Variants in LRRIQ3 observed in about 807,000 individuals in gnomAD.
LRRIQ3 encodes leucine-rich repeat and IQ domain-containing protein 3.
LRRIQ3 carries 75 observed loss-of-function variants against 59.3 expected under a neutral mutation model. That is an observed-to-expected ratio of 1.26 (90% CI 1.05 to 1.53). The LOEUF is 1.53. Among genes scored for constraint, LRRIQ3 ranks in the 40% most tolerant of loss-of-function variants. The probability of loss-of-function intolerance (pLI) is 0.00; values close to 1 mark genes in which losing one functional copy is unlikely to be tolerated. For missense variants in LRRIQ3, 831 were observed against 710.0 expected (o/e 1.17, Z -1.94); for synonymous variants, 250 against 231.3 (o/e 1.08, Z -0.73).
intron 4 of LRRIQ3, among the ~76,000 whole-genome samples, chr1:74,126,638 T>C: frequency 6.6e-6 from 1 of 151,968 alleles, no homozygotes; most frequent in East Asian, 1.9e-4. Flanking sequence ...TATTGTTTAA[T>C]TTCCATGTGT....
chr1:74,083,359 T>C (rs754893993), intron 5 of LRRIQ3: 1 of 151,794 alleles, frequency 6.6e-6, no homozygotes, highest in Non-Finnish European at 1.5e-5. Context: ...GGGGACTGGA[T>C]AAGGTGACTC....
intron 3 of LRRIQ3, among the ~76,000 whole-genome samples, chr1:74,166,341 G>A (rs776521621): frequency 1.8e-4 from 27 of 151,318 alleles, no homozygotes; most frequent in Non-Finnish European, 3.1e-4. Context: ...TCTAGTTTAC[G>A]TGTGTAGAAT....
chr1:74,168,979 C>T (rs935262121), intron 3 of LRRIQ3, among the ~76,000 whole-genome samples: 31 of 152,218 alleles, frequency 2.0e-4, no homozygotes, highest in African/African-American at 7.0e-4. Context: ...GTTTACAATA[C>T]ATTATTGCAA....
chr1:74,082,350 T>C (rs1479243459), intron 5 of LRRIQ3: 1 of 151,536 alleles, frequency 6.6e-6, no homozygotes, highest in East Asian at 1.9e-4. Flanking sequence ...ATAAATCTAA[T>C]CATTTTAATG....
At chr1:74,101,921 A>G (rs1247347436) in intron 5 of LRRIQ3, among the ~76,000 whole-genome samples, 2 of 151,948 alleles carry the variant, frequency 1.3e-5, no homozygotes, top group African/African-American at 4.8e-5. Context: ...TGGTGGGGGG[A>G]GCGGGGAGGG....
intron 4 of LRRIQ3, 54 bp from the exon 5 acceptor site, chr1:74,109,607 A>G: frequency 1.4e-6 from 2 of 1,434,664 alleles, no homozygotes; most frequent in Non-Finnish European, 1.9e-6. Context: ...ATTAAAAAAC[A>G]TGAAAATTAG....
chr1:74,140,347 G>T (rs1305264989), intron 4 of LRRIQ3, among the ~76,000 whole-genome samples: 1 of 151,496 alleles, frequency 6.6e-6, no homozygotes, highest in Non-Finnish European at 1.5e-5. Flanking sequence ...AAAGATAAAA[G>T]GTTCAATTGA....
chr1:74,041,403 G>T lies in LRRIQ3; in HGVS notation c.1528C>A (p.Gln510Lys). 6.2e-7 allele frequency: 1 copy of T among 1,613,680 alleles called. No homozygotes were observed. The highest frequency in any genetic ancestry group is 1.7e-4 in the Middle Eastern group (1 of 6,060). The change falls in exon 7 of 8, where the codon CAA (glutamine) becomes AAA (lysine). Residue 510 changes from glutamine to lysine, a missense_variant. Physicochemically the swap from Gln to Lys is moderately conservative, Grantham distance 53. Transcript: ENST00000354431. ...ACTAATAAACGCTCTGAAGCCTTTT[G>T]GGATTTTTCTTTTAGAAACAGAGCT... ...RKALFLKEKSQKASERLLVQN... is the reference protein window; with the variant it reads ...RKALFLKEKSKKASERLLVQN...
chr1:74,099,391 C>A (rs560502667), intron 5 of LRRIQ3, among the ~76,000 whole-genome samples: 3 of 152,164 alleles, frequency 2.0e-5, no homozygotes, highest in East Asian at 3.9e-4. Context: ...CAATAACAGG[C>A]TCTGAAATTG....
In LRRIQ3 at chr1:74,039,315, T is replaced by C. The variant is rs151080901; in HGVS notation, c.1718+1898A>G. Among the ~76,000 whole-genome samples the C allele has an allele frequency of 7.8e-4, 119 of 151,922 alleles. 3 individuals carry two copies. The East Asian group carries it at 0.021, about 27-fold the overall frequency. On this transcript the variant is annotated intron_variant, in intron 7 of 7. Coordinates refer to ENST00000354431, the MANE Select transcript of LRRIQ3 (RefSeq NM_001105659.2). ...AGGAATGAACAAAATCTCTGAGAAATATGGGACTATGTAAAAAAAAATGAA... is the reference window on the plus strand; with the variant it reads ...AGGAATGAACAAAATCTCTGAGAAACATGGGACTATGTAAAAAAAAATGAA...
chr1:74,026,950 T>A lies in LRRIQ3; in HGVS notation c.1738A>T (p.Arg580Ter). ...KKVRSQEIYKRHCEEKFVMDM... is the reference protein window; with the variant it reads ...KKVRSQEIYK ...ATAACAAATTTTTCTTCACAATGTCTTTTATATATTTCTTGAGATCTAAGA... is the reference window on the plus strand; with the variant it reads ...ATAACAAATTTTTCTTCACAATGTCATTTATATATTTCTTGAGATCTAAGA... Residue 580 changes from arginine (R) to a stop codon, truncating the protein, a stop_gained, in exon 8 of 8, where the codon AGA (arginine) becomes TGA (stop). Coordinates refer to ENST00000354431, the MANE Select transcript of LRRIQ3 (RefSeq NM_001105659.2). LOFTEE classifies it low-confidence loss of function (END_TRUNC). 6.4e-7 allele frequency: 1 copy of A among 1,564,314 alleles called. No homozygotes were observed. Among genetic ancestry groups the A allele is most frequent in the Non-Finnish European group, 8.7e-7 (1 of 1,147,046 alleles).
intron 6 of LRRIQ3, among the ~76,000 whole-genome samples, chr1:74,042,263 G>T (rs115907909): frequency 5.9e-4 from 90 of 152,100 alleles, no homozygotes; most frequent in African/African-American, 2.1e-3. Context: ...CATATAGTTT[G>T]CTAAAAGAAA....
chr1:74,181,647 T>C (rs1373999351), intron 3 of LRRIQ3: 1 of 151,860 alleles, frequency 6.6e-6, no homozygotes, highest in East Asian at 1.9e-4. Context: ...CCTTGTTTTT[T>C]ATATTTTTAA....
At chr1:74,144,154 G>A (rs1647405643) in intron 4 of LRRIQ3, among the ~76,000 whole-genome samples, 1 of 151,838 alleles carries the variant, frequency 6.6e-6, no homozygotes, top group Non-Finnish European at 1.5e-5. Flanking sequence ...TTAACAAAGT[G>A]CCCTTAAATT....
chr1:74,190,334 G>T (rs1184554764), intron 1 of LRRIQ3, among the ~76,000 whole-genome samples: 3 of 152,016 alleles, frequency 2.0e-5, no homozygotes, highest in Admixed American at 6.6e-5. Flanking sequence ...GAATAAAAAA[G>T]AAATGGTAGA....
intron 4 of LRRIQ3, among the ~76,000 whole-genome samples, chr1:74,140,958 C>T (rs753039807): frequency 1.3e-5 from 2 of 151,710 alleles, no homozygotes; most frequent in Non-Finnish European, 2.9e-5. Flanking sequence ...AATATAAGGT[C>T]TATGAAGTCT....
In LRRIQ3 at chr1:74,187,104, T is replaced by G. The variant is rs540964821; in HGVS notation, c.1-3420A>C. Reference sequence around the variant, plus strand: ...GGAATGTAAACTAGTATAACCACTATGGAAAACAGTATGGAAATTCCTTAA... The same window carrying G: ...GGAATGTAAACTAGTATAACCACTAGGGAAAACAGTATGGAAATTCCTTAA... On this transcript the variant is annotated intron_variant, in intron 1 of 7. Coordinates refer to ENST00000354431, the MANE Select transcript of LRRIQ3 (RefSeq NM_001105659.2). Among the ~76,000 whole-genome samples the G allele has an allele frequency of 2.6e-4, 39 of 152,086 alleles. 1 individual carries two copies. The highest frequency in any genetic ancestry group is 4.1e-4 in the Non-Finnish European group (28 of 68,012).
intron 5 of LRRIQ3, among the ~76,000 whole-genome samples, chr1:74,094,217 T>C (rs921343049): frequency 6.6e-6 from 1 of 152,076 alleles, no homozygotes; most frequent in Non-Finnish European, 1.5e-5. Flanking sequence ...TCTCCAAATA[T>C]AGCCACACAA....
At chr1:74,047,101 C>G (rs1654227743) in intron 6 of LRRIQ3, among the ~76,000 whole-genome samples, 1 of 152,052 alleles carries the variant, frequency 6.6e-6, no homozygotes, top group Non-Finnish European at 1.5e-5. Context: ...GGTATATGCC[C>G]AAAGGATTAT....
Sources: allele counts gnomAD v4.1 joint callset (sites outside exome capture counted in the v4.1 genomes callset), GRCh38; gene constraint gnomAD v4.1.1; transcripts MANE v1.5; gene names NCBI Gene and HGNC (gene_info 2026-07-23, HGNC 2026-07-21).